Variants in GRK3 observed in about 807,000 individuals in gnomAD.
The protein encoded by GRK3 is G protein-coupled receptor kinase 3.
In GRK3, 54 loss-of-function variants were observed where a neutral mutation model predicts 95.7. The ratio of observed to expected loss-of-function variants is 0.56; its 90% CI spans 0.45 to 0.71. The LOEUF is 0.71. Ranked by LOEUF, GRK3 falls within the 30% of genes least tolerant of loss-of-function variation. The pLI, the probability that GRK3 is intolerant of heterozygous loss-of-function variation, is 0.00. For missense variants in GRK3, 649 were observed against 851.2 expected (o/e 0.76, Z 2.96); for synonymous variants, 281 against 290.8 (o/e 0.97, Z 0.34).
At chr22:25,612,097 T>C (rs766355438) in intron 2 of GRK3, among the ~76,000 whole-genome samples, 8 of 152,152 alleles carry the variant, frequency 5.3e-5, no homozygotes, top group Non-Finnish European at 8.8e-5. Context: ...CCTCCCAAAG[T>C]GCTAGGATTA....
At chr22:25,686,244 A>T (rs1442965496) in intron 10 of GRK3, among the ~76,000 whole-genome samples, 1 of 151,906 alleles carries the variant, frequency 6.6e-6, no homozygotes, top group African/African-American at 2.4e-5. Context: ...CAAAAAACAG[A>T]TCTACCCCGA....
intron 2 of GRK3, among the ~76,000 whole-genome samples, chr22:25,638,951 C>G (rs1342954380): frequency 6.6e-6 from 1 of 152,124 alleles, no homozygotes; most frequent in Non-Finnish European, 1.5e-5. Flanking sequence ...ATGCTGAGTC[C>G]CTTTCATGGG....
intron 13 of GRK3, among the ~76,000 whole-genome samples, chr22:25,701,943 A>C (rs529042946): frequency 6.6e-6 from 1 of 152,328 alleles, no homozygotes; most frequent in South Asian, 2.1e-4. Context: ...TATAAATAAC[A>C]GATATTGTTT....
chr22:25,677,158 C>T (rs1461392497), intron 8 of GRK3, among the ~76,000 whole-genome samples: 3 of 151,888 alleles, frequency 2.0e-5, no homozygotes, highest in Non-Finnish European at 2.9e-5. Context: ...GACAGGAGTT[C>T]GAGACCAGCC....
chr22:25,703,388 TG>T, intron 13 of GRK3, 121 bp from the exon 14 acceptor site: 1 of 683,926 alleles, frequency 1.5e-6, no homozygotes. Context: ...TTACGGCTTT[TG>T]CATTTCTCCA....
intron 2 of GRK3, among the ~76,000 whole-genome samples, chr22:25,604,873 G>C (rs1423546099): frequency 2.0e-5 from 3 of 151,998 alleles, no homozygotes; most frequent in Non-Finnish European, 4.4e-5. Context: ...TTTGTGCTCT[G>C]TTTCCATGAT....
At chr22:25,684,015 G>A (rs1371294404) in intron 9 of GRK3, among the ~76,000 whole-genome samples, 1 of 152,156 alleles carries the variant, frequency 6.6e-6, no homozygotes, top group Non-Finnish European at 1.5e-5. Flanking sequence ...ATCTACATCA[G>A]CTGGAAATGG....
At chr22:25,656,478 G>A in intron 3 of GRK3, among the ~76,000 whole-genome samples, 1 of 152,026 alleles carries the variant, frequency 6.6e-6, no homozygotes, top group Non-Finnish European at 1.5e-5. Flanking sequence ...ACCACACCCA[G>A]ATACTTTTTT....
intron 2 of GRK3, among the ~76,000 whole-genome samples, chr22:25,613,390 C>T (rs1345175267): frequency 2.1e-5 from 3 of 146,020 alleles, no homozygotes; most frequent in Non-Finnish European, 3.0e-5. Context: ...AACCTGGGGC[C>T]CTATTCAATT....
chr22:25,663,080 A>G (rs2084919882), intron 4 of GRK3, among the ~76,000 whole-genome samples: 1 of 152,120 alleles, frequency 6.6e-6, no homozygotes, highest in Admixed American at 6.5e-5. Flanking sequence ...CAACCCCATT[A>G]TCAGTTTGTT....
intron 8 of GRK3, among the ~76,000 whole-genome samples, chr22:25,677,965 G>T (rs1036455091): frequency 6.6e-6 from 1 of 152,136 alleles, no homozygotes; most frequent in Admixed American, 6.5e-5. Flanking sequence ...CTTCTCAATT[G>T]ACTTGCCTCA....
Position 25,722,909 on chromosome 22 carries a change from C to T in GRK3, c.*459C>T, listed in dbSNP as rs952324586. The stretch of plus-strand genomic sequence containing the variant: ...CACAGTGTGTTTCTTTTGTGCACTT[C>T]GCAACTGACTTCTTGTCCTGGGGTT... On this transcript the variant is annotated 3_prime_UTR_variant, in exon 21 of 21. Coordinates refer to ENST00000324198, the MANE Select transcript of GRK3 (RefSeq NM_005160.4). 2 of 152,710 alleles carry T rather than the reference C, an allele frequency of 1.3e-5. No homozygotes were observed. Among genetic ancestry groups the T allele is most frequent in the African/African-American group, 4.8e-5 (2 of 41,424 alleles). 9.5% of individuals were successfully genotyped at this position (152,710 alleles called of 1,614,324 possible).
At position 25,727,230 on chromosome 22, in the gene GRK3, T is replaced by A. The variant is rs2085482122; in HGVS notation, c.*4780T>A. ...TTTAACATGATTTTTCCCTCCTATGTAAAGTTTACTGGAGAGACTTGAATT... is the reference window on the plus strand; with the variant it reads ...TTTAACATGATTTTTCCCTCCTATGAAAAGTTTACTGGAGAGACTTGAATT... On this transcript the variant is annotated 3_prime_UTR_variant, in exon 21 of 21. Coordinates refer to ENST00000324198, the MANE Select transcript of GRK3 (RefSeq NM_005160.4). The A allele has an allele frequency of 6.6e-6, 1 of 152,234 alleles. No homozygotes were observed. Among genetic ancestry groups the A allele is most frequent in the Admixed American group, 6.5e-5 (1 of 15,282 alleles). 9.4% of individuals were successfully genotyped at this position (152,234 alleles called of 1,614,324 possible). A position where few individuals can be genotyped will look rare whatever the true frequency, so the allele number is the denominator to read the frequency against.
At chr22:25,607,346 A>T (rs1601468908) in intron 2 of GRK3, among the ~76,000 whole-genome samples, 1 of 151,818 alleles carries the variant, frequency 6.6e-6, no homozygotes, top group East Asian at 1.9e-4. Flanking sequence ...TCTCTGATTA[A>T]CTTAAAAATG....
chr22:25,628,837 G>A (rs1340133052), intron 2 of GRK3, among the ~76,000 whole-genome samples: 1 of 152,084 alleles, frequency 6.6e-6, no homozygotes, highest in Non-Finnish European at 1.5e-5. Context: ...TGGCACTGGT[G>A]TCCCTTAGGA....
rs747815978 is a variant in GRK3, at chr22:25,674,477, G to A, written c.596G>A (p.Arg199Gln). 6.2e-7 allele frequency: 1 copy of A among 1,613,958 alleles called. No individual in the cohort carries two copies. The highest frequency in any genetic ancestry group is 8.5e-7 in the Non-Finnish European group (1 of 1,179,942). Reference sequence around the variant, plus strand: ...TTCAGTGTGCATAGGATTATTGGACGAGGAGGATTCGGGGAAGTTTATGGT... The same window carrying A: ...TTCAGTGTGCATAGGATTATTGGACAAGGAGGATTCGGGGAAGTTTATGGT... Reference protein sequence around the residue: ...NEFSVHRIIGRGGFGEVYGCR... With the variant: ...NEFSVHRIIGQGGFGEVYGCR... Residue 199 changes from arginine to glutamine, a missense_variant, in exon 8 of 21, where the codon CGA becomes CAA. Arg to Gln is a conservative substitution (Grantham distance 43, BLOSUM62 1). Coordinates refer to ENST00000324198, the MANE Select transcript of GRK3 (RefSeq NM_005160.4).
chr22:25,626,322 T>A (rs2084628166), intron 2 of GRK3, among the ~76,000 whole-genome samples: 1 of 152,210 alleles, frequency 6.6e-6, no homozygotes, highest in African/African-American at 2.4e-5. Flanking sequence ...ACTGTTGGGA[T>A]GGGTGATAGG....
chr22:25,717,647 CT>C (rs1216146143), intron 18 of GRK3, among the ~76,000 whole-genome samples: 2 of 152,146 alleles, frequency 1.3e-5, no homozygotes, highest in Non-Finnish European at 2.9e-5. Flanking sequence ...TTAACCTTTT[CT>C]TTTTTTAAGG....
intron 1 of GRK3, among the ~76,000 whole-genome samples, chr22:25,599,591 C>CAAAAAAAAAAAAAAAAA (rs35202175): frequency 2.4e-5 from 2 of 82,376 alleles, no homozygotes; most frequent in Non-Finnish European, 5.9e-5. Flanking sequence ...GACTCTGTCT[C>CAAAAAAAAAAAAAAAAA]AAAAAAAAAA....
Sources: gnomAD v4.1 joint callset for allele counts (sites outside exome capture counted in the v4.1 genomes callset) on GRCh38, gnomAD v4.1.1 for gene constraint, MANE v1.5 for transcripts, NCBI Gene and HGNC (gene_info 2026-07-23, HGNC 2026-07-21) for gene names.